The following SPATS2L variants were observed in gnomAD, a reference collection of about 807,000 sequenced individuals.
The protein encoded by SPATS2L is spermatogenesis associated serine rich 2 like.
SPATS2L carries 30 observed loss-of-function variants against 59.6 expected under a neutral mutation model. The observed-to-expected ratio is 0.50, with a 90% confidence interval of 0.38 to 0.68. SPATS2L has a LOEUF of 0.68. SPATS2L is among the 30% of genes least tolerant of loss of function. The pLI is 0.00. For synonymous variants in SPATS2L, 252 were observed against 263.5 expected (o/e 0.96, Z 0.42); for missense variants, 615 against 700.0 (o/e 0.88, Z 1.37).
intron 8 of SPATS2L, among the ~76,000 whole-genome samples, chr2:200,445,180 G>A (rs781389069): frequency 6.6e-6 from 1 of 152,066 alleles, no homozygotes; most frequent in Admixed American, 6.6e-5. Context: ...AGGTGTGATG[G>A]TTCGTCTGTA....
chr2:200,374,766 C>T lies in SPATS2L; in HGVS notation c.-22-14457C>T, dbSNP rs189246226. The stretch of plus-strand genomic sequence containing the variant: ...AAAGCTGTGAGAGATGGACCTATTT[C>T]ACCAAACAAGTAATCAAAACCTAAT... On this transcript the variant is annotated intron_variant, in intron 2 of 12. Coordinates refer to ENST00000409140, the MANE Select transcript of SPATS2L (RefSeq NM_001100423.2). 4.2e-3 allele frequency among the ~76,000 whole-genome samples: 647 copies of T among 152,284 alleles called. 1 individual carries two copies. The highest frequency in any genetic ancestry group is 6.5e-3 in the Non-Finnish European group (442 of 68,016).
At chr2:200,355,277 G>T (rs989215853) in intron 2 of SPATS2L, among the ~76,000 whole-genome samples, 4 of 152,144 alleles carry the variant, frequency 2.6e-5, no homozygotes, top group African/African-American at 9.7e-5. Flanking sequence ...ACAGTTAGGG[G>T]GTCTCACCCC....
At chr2:200,434,613 C>A in intron 6 of SPATS2L, among the ~76,000 whole-genome samples, 1 of 151,996 alleles carries the variant, frequency 6.6e-6, no homozygotes, top group East Asian at 1.9e-4. Context: ...TAAACAATAA[C>A]ATAAAAATTC....
chr2:200,378,779 T>A lies in SPATS2L; in HGVS notation c.-22-10444T>A, dbSNP rs571132204. The stretch of plus-strand genomic sequence containing the variant: ...ACCGAGCCAGCTTCCCAGAGTTAGC[T>A]ATAAACACAGAGCTTTTGTTTGCCA... On this transcript the variant is annotated intron_variant, in intron 2 of 12. Coordinates refer to ENST00000409140, the MANE Select transcript of SPATS2L (RefSeq NM_001100423.2). Among the ~76,000 whole-genome samples the A allele has an allele frequency of 2.0e-5, 3 of 152,344 alleles. No individual in the cohort carries two copies. In the East Asian group the frequency reaches 5.8e-4, roughly 29 times the overall value.
chr2:200,362,392 A>G lies in SPATS2L; in HGVS notation c.-22-26831A>G, dbSNP rs550655765. Reference sequence around the variant, plus strand: ...CTCCCTCATGTCACAGTCTAGGCATACAGGCTGATGAGGGAGCTGCACAGT... The same window carrying G: ...CTCCCTCATGTCACAGTCTAGGCATGCAGGCTGATGAGGGAGCTGCACAGT... On this transcript the variant is annotated intron_variant, in intron 2 of 12. Coordinates refer to ENST00000409140, the MANE Select transcript of SPATS2L (RefSeq NM_001100423.2). Among the ~76,000 whole-genome samples the G allele has an allele frequency of 3.9e-5, 6 of 152,370 alleles. No homozygotes were observed. The South Asian group carries it at 1.2e-3, about 32-fold the overall frequency.
At chr2:200,308,942 C>T (rs2079110739) in intron 1 of SPATS2L, 1 of 671,566 alleles carries the variant, frequency 1.5e-6, no homozygotes, top group Non-Finnish European at 2.8e-6. Context: ...ACTGATTTTC[C>T]TGAGGCCATT....
At chr2:200,306,299 G>A, upstream of SPATS2L, 2 of 1,002,396 alleles carry the variant, frequency 2.0e-6, no homozygotes, top group Non-Finnish European at 2.4e-6. Context: ...TCGGGTAGGA[G>A]AAGATGATTC....
intron 2 of SPATS2L, among the ~76,000 whole-genome samples, chr2:200,385,015 A>G (rs1184200014): frequency 1.3e-5 from 2 of 152,224 alleles, no homozygotes; most frequent in Non-Finnish European, 2.9e-5. Flanking sequence ...GTCTGTTCCA[A>G]TAACAATTTT....
chr2:200,336,189 G>A (rs1314339633), intron 2 of SPATS2L, among the ~76,000 whole-genome samples: 2 of 152,286 alleles, frequency 1.3e-5, no homozygotes, highest in East Asian at 3.9e-4. Flanking sequence ...TAATGACAGG[G>A]ACCACTGAAT....
At chr2:200,469,700 G>C in intron 10 of SPATS2L, 1 of 502,990 alleles carries the variant, frequency 2.0e-6, no homozygotes, top group African/African-American at 1.9e-5. Flanking sequence ...GAGAAACACA[G>C]GCCCCTCACA....
chr2:200,420,354 G>A (rs2083258765), intron 6 of SPATS2L, among the ~76,000 whole-genome samples: 1 of 152,110 alleles, frequency 6.6e-6, no homozygotes, highest in African/African-American at 2.4e-5. Flanking sequence ...AAAAATATAA[G>A]ACATTCAGGA....
At chr2:200,396,013 A>G (rs868635568) in intron 3 of SPATS2L, among the ~76,000 whole-genome samples, 5 of 20,572 alleles carry the variant, frequency 2.4e-4, no homozygotes, top group African/African-American at 5.2e-4. Context: ...TCGATCTGGA[A>G]AAAAAAAAAA....
At chr2:200,462,031 A>G (rs1207636531) in intron 9 of SPATS2L, among the ~76,000 whole-genome samples, 2 of 152,188 alleles carry the variant, frequency 1.3e-5, no homozygotes, top group Non-Finnish European at 2.9e-5. Flanking sequence ...TTTTATTCTT[A>G]TGAAATTTGT....
At chr2:200,416,197 A>T (rs1453812003) in intron 4 of SPATS2L, among the ~76,000 whole-genome samples, 182 bp from the exon 5 acceptor site, 1 of 152,008 alleles carries the variant, frequency 6.6e-6, no homozygotes, top group African/African-American at 2.4e-5. Context: ...ACAGTGAATT[A>T]AATGAAAATC....
intron 2 of SPATS2L, chr2:200,384,033 G>A (rs1371898367): frequency 2.0e-6 from 2 of 997,712 alleles, no homozygotes; most frequent in Non-Finnish European, 2.4e-6. Flanking sequence ...TACATTGATA[G>A]AACTTTGCAT....
intron 1 of SPATS2L, among the ~76,000 whole-genome samples, chr2:200,314,935 T>C (rs2079318244): frequency 6.6e-6 from 1 of 152,264 alleles, no homozygotes. Flanking sequence ...AATATATTAC[T>C]AAAATTAATT....
intron 3 of SPATS2L, among the ~76,000 whole-genome samples, chr2:200,399,816 A>T (rs1034341005): frequency 6.6e-6 from 1 of 152,212 alleles, no homozygotes; most frequent in African/African-American, 2.4e-5. Context: ...TCCAAGGTTA[A>T]TATAATTTAG....
intron 6 of SPATS2L, among the ~76,000 whole-genome samples, chr2:200,429,466 TGTG>T (rs1412813348): frequency 1.3e-5 from 2 of 152,084 alleles, no homozygotes; most frequent in Non-Finnish European, 2.9e-5. Flanking sequence ...CGTGCAGCCT[TGTG>T]GTGGTGAAGA....
chr2:200,451,510 G>A (rs192721649), intron 8 of SPATS2L, among the ~76,000 whole-genome samples: 49 of 152,248 alleles, frequency 3.2e-4, no homozygotes, highest in Non-Finnish European at 6.5e-4. Context: ...ATTTAATATT[G>A]TATTCCTGCT....
Sources: gnomAD v4.1 joint callset for allele counts (sites outside exome capture counted in the v4.1 genomes callset) on GRCh38, gnomAD v4.1.1 for gene constraint, MANE v1.5 for transcripts, NCBI Gene and HGNC (gene_info 2026-07-23, HGNC 2026-07-21) for gene names.